The following LUC7L variants were observed in gnomAD, a reference collection of about 807,000 sequenced individuals.
The protein encoded by LUC7L is putative RNA-binding protein Luc7-like 1.
LUC7L carries 29 observed loss-of-function variants against 51.1 expected under a neutral mutation model. The ratio of observed to expected loss-of-function variants is 0.57; its 90% CI spans 0.42 to 0.77. LUC7L has a LOEUF of 0.77. LUC7L is among the 30% of genes least tolerant of loss of function. LUC7L has a pLI of 0.00. For synonymous variants in LUC7L, 181 were observed against 180.7 expected (o/e 1.00, Z -0.01); for missense variants, 403 against 511.9 (o/e 0.79, Z 2.05).
At chr16:213,727 T>G (rs1596653542) in intron 3 of LUC7L, among the ~76,000 whole-genome samples, 1 of 151,922 alleles carries the variant, frequency 6.6e-6, no homozygotes, top group South Asian at 2.1e-4. Context: ...CTTTTTTTCT[T>G]TATTTGAGAC....
chr16:222,660 T>TG (rs925516530), intron 2 of LUC7L, among the ~76,000 whole-genome samples: 2 of 150,676 alleles, frequency 1.3e-5, no homozygotes, highest in African/African-American at 4.9e-5. Flanking sequence ...TTTTTTGAGA[T>TG]GGAGTTTCGC....
intron 4 of LUC7L, among the ~76,000 whole-genome samples, chr16:206,475 G>C (rs1034234705): frequency 6.6e-6 from 1 of 152,158 alleles, no homozygotes; most frequent in African/African-American, 2.4e-5. Flanking sequence ...ACAGATTTAA[G>C]CTGTAACCAA....
chr16:226,321 C>T (rs2050132371), intron 2 of LUC7L, among the ~76,000 whole-genome samples: 1 of 152,174 alleles, frequency 6.6e-6, no homozygotes, highest in Non-Finnish European at 1.5e-5. Flanking sequence ...TTTTTAACCT[C>T]CGTGAGGTAG....
chr16:207,100 G>A (rs1382858906), intron 4 of LUC7L, among the ~76,000 whole-genome samples: 1 of 151,766 alleles, frequency 6.6e-6, no homozygotes, highest in African/African-American at 2.4e-5. Context: ...TCAGGAGGCT[G>A]AGGCAGGAGA....
intron 2 of LUC7L, among the ~76,000 whole-genome samples, chr16:221,014 C>T (rs1283375687): frequency 6.6e-6 from 1 of 152,034 alleles, no homozygotes; most frequent in Non-Finnish European, 1.5e-5. Flanking sequence ...ATCATCACAA[C>T]TACATTAATT....
chr16:197,410 A>G lies in LUC7L; in HGVS notation c.687+1652T>C, dbSNP rs1025580274. ...GTATTTTTAGTAAAGACGGGGTTTC[A>G]CTATGTTGGCCAGGCTGGTCTTCAA... On this transcript the variant is annotated intron_variant, in intron 6 of 9. Transcript: ENST00000293872. 1.1e-4 allele frequency among the ~76,000 whole-genome samples: 17 copies of G among 151,258 alleles called. No individual in the cohort carries two copies. The South Asian group carries it at 3.3e-3, about 30-fold the overall frequency.
intron 3 of LUC7L, among the ~76,000 whole-genome samples, chr16:216,832 C>T (rs1400298925): frequency 6.6e-6 from 1 of 152,060 alleles, no homozygotes; most frequent in Non-Finnish European, 1.5e-5. Context: ...AACCCATTCT[C>T]TCAAGGCACA....
At chr16:222,277 T>G (rs769028641) in intron 2 of LUC7L, among the ~76,000 whole-genome samples, 2 of 125,922 alleles carry the variant, frequency 1.6e-5, no homozygotes, top group Non-Finnish European at 3.2e-5. Context: ...AAACCCAACA[T>G]CCCAACTAGG....
intron 3 of LUC7L, among the ~76,000 whole-genome samples, chr16:216,683 T>A (rs113240719): frequency 2.6e-4 from 39 of 152,208 alleles, no homozygotes; most frequent in African/African-American, 8.4e-4. Flanking sequence ...CCTGACCTAA[T>A]TATTTTAATA....
At chr16:193,137 T>G (rs1197762154) in intron 6 of LUC7L, 122 bp from the exon 7 acceptor site, 11 of 805,746 alleles carry the variant, frequency 1.4e-5, no homozygotes. Flanking sequence ...AGGGACACTT[T>G]TAGGAAATGG....
At chr16:227,860 C>G (rs1483571601) in intron 1 of LUC7L, 1 of 1,001,268 alleles carries the variant, frequency 1.0e-6, no homozygotes, top group African/African-American at 1.7e-5. Context: ...TCCTACGTCC[C>G]TTTCGTTCCC....
At chr16:229,077 G>C in intron 1 of LUC7L, 1 of 1,414,688 alleles carries the variant, frequency 7.1e-7, no homozygotes, top group Non-Finnish European at 9.2e-7. Flanking sequence ...TCCGAGAGAG[G>C]AGCCCGACCT....
At chr16:216,031 C>T (rs902883944) in intron 3 of LUC7L, among the ~76,000 whole-genome samples, 2 of 151,806 alleles carry the variant, frequency 1.3e-5, no homozygotes, top group Non-Finnish European at 2.9e-5. Context: ...GATGGGATTT[C>T]GCTCTTGTTG....
chr16:193,052 T>C (rs762880020), intron 6 of LUC7L, 37 bp from the exon 7 acceptor site: 21 of 1,528,678 alleles, frequency 1.4e-5, no homozygotes, highest in Non-Finnish European at 1.7e-5. Context: ...AAGAGCAAGT[T>C]ACACAAACCA....
At chr16:213,757 T>C (rs1229249283) in intron 3 of LUC7L, among the ~76,000 whole-genome samples, 1 of 151,958 alleles carries the variant, frequency 6.6e-6, no homozygotes, top group South Asian at 2.1e-4. Flanking sequence ...CACTGTTTCC[T>C]GGACTGGAGT....
chr16:204,531 T>C (rs1245506397), intron 5 of LUC7L, among the ~76,000 whole-genome samples: 5 of 151,144 alleles, frequency 3.3e-5, no homozygotes, highest in African/African-American at 1.2e-4. Context: ...GAAGCGGAGC[T>C]TGCAGTGAAC....
chr16:215,407 T>G (rs1280821411), intron 3 of LUC7L, among the ~76,000 whole-genome samples: 1 of 151,616 alleles, frequency 6.6e-6, no homozygotes, highest in Admixed American at 6.6e-5. Context: ...GATCACAAGG[T>G]CAGGAGTTTG....
At chr16:197,096 C>G (rs1347861130) in intron 6 of LUC7L, among the ~76,000 whole-genome samples, 1 of 150,172 alleles carries the variant, frequency 6.7e-6, no homozygotes, top group South Asian at 2.1e-4. Flanking sequence ...TTAGTAGAGA[C>G]GGGGTTTCAC....
chr16:206,267 ACTT>A, intron 4 of LUC7L, 120 bp from the exon 5 acceptor site: 2 of 977,990 alleles, frequency 2.0e-6, no homozygotes, highest in Non-Finnish European at 3.1e-6. Flanking sequence ...AAAGATCCAC[ACTT>A]AACAATGAAG....
Sources: gnomAD v4.1 joint callset for allele counts (sites outside exome capture counted in the v4.1 genomes callset) on GRCh38, gnomAD v4.1.1 for gene constraint, MANE v1.5 for transcripts, NCBI Gene and HGNC (gene_info 2026-07-23, HGNC 2026-07-21) for gene names.